The following TUBGCP6 variants were observed in gnomAD, a reference collection of about 807,000 sequenced individuals.
TUBGCP6 encodes the protein gamma-tubulin complex component 6.
A neutral mutation model predicts 175.8 loss-of-function variants in TUBGCP6; 161 were observed. That is an observed-to-expected ratio of 0.92 (90% CI 0.81 to 1.04). The LOEUF is 1.04. Ranked by LOEUF, TUBGCP6 falls within the 50% of genes least tolerant of loss-of-function variation. The probability of loss-of-function intolerance (pLI) is 0.00; values close to 1 mark genes in which losing one functional copy is unlikely to be tolerated. For synonymous variants in TUBGCP6, 1,173 were observed against 1,030.5 expected (o/e 1.14, Z -2.65); for missense variants, 2,572 against 2,433.0 (o/e 1.06, Z -1.20).
chr22:50,227,382 C>T (rs747661123), intron 5 of TUBGCP6, among the ~76,000 whole-genome samples: 12 of 152,116 alleles, frequency 7.9e-5, no homozygotes, highest in Non-Finnish European at 1.6e-4. Flanking sequence ...GGGGGCTGCA[C>T]CTGAGAGCCC....
In TUBGCP6 at chr22:50,217,697, G is replaced by C; in HGVS notation, c.*39C>G. On this transcript the variant is annotated 3_prime_UTR_variant, in exon 25 of 25. Coordinates refer to ENST00000248846, the MANE Select transcript of TUBGCP6 (RefSeq NM_020461.4). ...GGAGAGAGAGCTGCAGACAGGGTCC[G>C]AGAACACCTTTATTGTGCACGTCCC... 6.3e-7 allele frequency: 1 copy of C among 1,589,644 alleles called. No homozygotes were observed. The highest frequency in any genetic ancestry group is 8.6e-7 in the Non-Finnish European group (1 of 1,162,452).
In TUBGCP6 at chr22:50,222,467, T is replaced by C. The variant is rs200109041; in HGVS notation, c.2396A>G (p.Glu799Gly). The C allele has an allele frequency of 1.4e-5, 22 of 1,613,802 alleles. No homozygotes were observed. The highest frequency in any genetic ancestry group is 1.7e-5 in the Admixed American group (1 of 60,020). ...SARLRFLLEDEKHIQEMLKAV... is the reference protein window; with the variant it reads ...SARLRFLLEDGKHIQEMLKAV... Reference sequence around the variant, plus strand: ...CCGCAGACATACCTGAATGTGTTTCTCATCTTCTAAGAGAAAACGAAGCCG... The same window carrying C: ...CCGCAGACATACCTGAATGTGTTTCCCATCTTCTAAGAGAAAACGAAGCCG... The change falls in exon 14 of 25, where the codon GAG becomes GGG. Residue 799 changes from glutamate to glycine, a missense_variant. Glu to Gly is a moderately conservative substitution (Grantham distance 98). Transcript: ENST00000248846.
chr22:50,227,217 AC>A (rs987077080), intron 5 of TUBGCP6, 140 bp from the exon 6 acceptor site: 20 of 739,260 alleles, frequency 2.7e-5, no homozygotes, highest in African/African-American at 5.3e-5. Flanking sequence ...AACCACAGGC[AC>A]CCCAACCACC....
At position 50,219,064 on chromosome 22, in the gene TUBGCP6, C is replaced by T. The variant is rs771572928; in HGVS notation, c.4626+4G>A. The T allele has an allele frequency of 2.9e-5, 46 of 1,611,776 alleles. No homozygotes were observed. The highest frequency in any genetic ancestry group is 1.3e-4 in the East Asian group (6 of 44,872). On this transcript the variant is annotated splice_donor_region_variant and intron_variant, in intron 20 of 24. Transcript: ENST00000248846. ...ACTGGCCCCACCCCGTGTCCGGAGG[C>T]CACCTTCTCAAAGAGCAGGTCGCTG...
At position 50,236,588 on chromosome 22, in the gene TUBGCP6, T is replaced by C. The variant is rs77925564; in HGVS notation, c.906-3062A>G. Reference sequence around the variant, plus strand: ...CACACACTCACACCCCCGTCCTCCCTGCGAAAACAATCAGCTCCAAGAAAC... The same window carrying C: ...CACACACTCACACCCCCGTCCTCCCCGCGAAAACAATCAGCTCCAAGAAAC... On this transcript the variant is annotated intron_variant, in intron 2 of 24. Transcript: ENST00000248846. 3.9e-3 allele frequency among the ~76,000 whole-genome samples: 596 copies of C among 152,220 alleles called. 30 individuals are homozygous for C. The East Asian group carries it at 0.097, about 25-fold the overall frequency.
At position 50,222,550 on chromosome 22, in the gene TUBGCP6, T is replaced by C. The variant is rs1434732086; in HGVS notation, c.2313A>G (p.Ala771=). ...VDHYSKLSAE[A]ARREQKALWR... ...ACAGTGCCTTCTGCTCCCGACGAGC[T>C]GCCTCTGCAGAGAGCTTGCTGTAGT... The change falls in exon 14 of 25, where the codon GCA becomes GCG. Residue 771 remains alanine (A), a synonymous_variant. Transcript: ENST00000248846. The C allele has an allele frequency of 6.2e-7, 1 of 1,613,206 alleles. No homozygotes were observed.
At chr22:50,224,634 C>T in intron 10 of TUBGCP6, 42 bp from the exon 11 acceptor site, 1 of 1,601,170 alleles carries the variant, frequency 6.2e-7, no homozygotes, top group African/African-American at 1.3e-5. Flanking sequence ...TGGCCGGGCG[C>T]AGTGGCTCAC....
chr22:50,224,625 G>A, intron 10 of TUBGCP6, 33 bp from the exon 11 acceptor site: 1 of 1,609,126 alleles, frequency 6.2e-7, no homozygotes, highest in Non-Finnish European at 8.5e-7. Flanking sequence ...AAAGCATCCT[G>A]GCCGGGCGCA....
chr22:50,235,149 C>T (rs551665225), intron 2 of TUBGCP6, among the ~76,000 whole-genome samples: 20 of 151,238 alleles, frequency 1.3e-4, no homozygotes, highest in Non-Finnish European at 2.2e-4. Context: ...GCAGCATCCA[C>T]ACCCCAGTCC....
In TUBGCP6 at chr22:50,218,154, T is replaced by TG. The variant is rs760670405; in HGVS notation, c.5168+34dup. The TG allele has an allele frequency of 7.5e-6, 12 of 1,610,094 alleles. No homozygotes were observed. In the South Asian group the frequency reaches 1.3e-4, roughly 18 times the overall value. On this transcript the variant is annotated intron_variant, in intron 23 of 24. Coordinates refer to ENST00000248846, the MANE Select transcript of TUBGCP6 (RefSeq NM_020461.4). The stretch of plus-strand genomic sequence containing the variant: ...CAGTGCTGCTGGGTGGGCTGAGCCG[T>TG]GACCACAGGGACGCAGCCGCTGCCC...
At position 50,219,400 on chromosome 22, in the gene TUBGCP6, G is replaced by C. The variant is rs2064476266; in HGVS notation, c.4372C>G (p.Pro1458Ala). The C allele has an allele frequency of 7.6e-6, 12 of 1,572,362 alleles. No individual in the cohort carries two copies. Among genetic ancestry groups the C allele is most frequent in the Admixed American group, 1.9e-5 (1 of 51,886 alleles). The change falls in exon 19 of 25, where the codon CCC becomes GCC. Residue 1458 changes from proline to alanine, a missense_variant. Transcript: ENST00000248846. ...GCAGACTGGACCTGGGGGTCCACGG[G>C]GAAGGCGAAGGCCCGGGGAAGCACG... is the stretch of plus-strand genomic sequence containing the variant. ...RPVLPRAFAF[P>A]VDPQVQSAAD... is the part of the protein sequence containing the mutation.
intron 4 of TUBGCP6, among the ~76,000 whole-genome samples, chr22:50,228,592 A>T (rs1461488796): frequency 6.6e-6 from 1 of 152,092 alleles, no homozygotes; most frequent in Non-Finnish European, 1.5e-5. Context: ...TGCCTGCCAG[A>T]TGAACAAGAA....
At chr22:50,229,351 C>T (rs903718954) in intron 4 of TUBGCP6, 53 bp downstream of exon 4, 7 of 1,583,006 alleles carry the variant, frequency 4.4e-6, no homozygotes, top group African/African-American at 2.7e-5. Flanking sequence ...TCTTCCAGGT[C>T]GTGTGCACCG....
At chr22:50,228,374 G>T (rs951276368) in intron 4 of TUBGCP6, among the ~76,000 whole-genome samples, 6 of 151,298 alleles carry the variant, frequency 4.0e-5, no homozygotes, top group Non-Finnish European at 8.8e-5. Context: ...GCTGCCCCAG[G>T]GGCATGGCAA....
chr22:50,241,366 G>T (rs555801400), intron 1 of TUBGCP6, among the ~76,000 whole-genome samples: 15 of 151,906 alleles, frequency 9.9e-5, no homozygotes, highest in African/African-American at 3.6e-4. Context: ...TAGCGTCAGT[G>T]CCTAGGAAAA....
rs558410710 is a variant in TUBGCP6, at chr22:50,220,077, C to T, written c.4109-62G>A. ...CGAGTGCCTGTGGCGGGTACAGAGC[C>T]GAGCCGGCCCTGGCTCAAGCAGCCC... On this transcript the variant is annotated intron_variant, in intron 16 of 24. Coordinates refer to ENST00000248846, the MANE Select transcript of TUBGCP6 (RefSeq NM_020461.4). The T allele has an allele frequency of 3.9e-5, 62 of 1,571,016 alleles. No individual in the cohort carries two copies. The African/African-American group carries it at 5.0e-4, about 13-fold the overall frequency.
chr22:50,221,703 C>A lies in TUBGCP6; in HGVS notation c.2656G>T (p.Gly886Trp). The change falls in exon 16 of 25, where the codon GGG (glycine) becomes TGG (tryptophan). Residue 886 changes from glycine to tryptophan, a missense_variant. Physicochemically the swap from Gly to Trp is radical, Grantham distance 184. Coordinates refer to ENST00000248846, the MANE Select transcript of TUBGCP6 (RefSeq NM_020461.4). The part of the protein sequence containing the change: ...AGGRGLQQAE[G>W]ARPFSDSLSI... ...AGGCTGTCAGAGAAGGGTCTGGCCCCCTCCGCCTGCTGCAGCCCCCTGCCA... is the reference window on the plus strand; with the variant it reads ...AGGCTGTCAGAGAAGGGTCTGGCCCACTCCGCCTGCTGCAGCCCCCTGCCA... The A allele has an allele frequency of 6.6e-7, 1 of 1,516,528 alleles. No individual in the cohort carries two copies. Among genetic ancestry groups the A allele is most frequent in the Non-Finnish European group, 8.8e-7 (1 of 1,134,048 alleles). 93.9% of individuals were successfully genotyped at this position (1,516,528 alleles called of 1,614,324 possible).
chr22:50,244,633 A>T lies in TUBGCP6; in HGVS notation c.-174T>A. 1 of 1,154,220 alleles carries T rather than the reference A, an allele frequency of 8.7e-7. No individual in the cohort carries two copies. The highest frequency in any genetic ancestry group is 2.6e-5 in the East Asian group (1 of 38,172). 71.5% of individuals were successfully genotyped at this position (1,154,220 alleles called of 1,614,324 possible). On this transcript the variant is annotated 5_prime_UTR_variant, in exon 1 of 25. Coordinates refer to ENST00000248846, the MANE Select transcript of TUBGCP6 (RefSeq NM_020461.4). ...TTAAAGGAGGTCTTGCGGTTGCTCT[A>T]CTCAGAGTAAACACGCCCTGCCCTC...
chr22:50,218,311 G>A lies in TUBGCP6; in HGVS notation c.5046C>T (p.Gly1682=), dbSNP rs2064452965. 2 of 1,613,000 alleles carry A rather than the reference G, an allele frequency of 1.2e-6. No homozygotes were observed. The highest frequency in any genetic ancestry group is 1.3e-5 in the African/African-American group (1 of 74,956). ...CGTGCAGGATCTGGTTGGCGATGTA[G>A]CCCTGGATGACCTTCACGAAATGCT... ...EMQHFVKVIQ[G]YIANQILHVT... is the part of the protein sequence containing the mutation. The change falls in exon 23 of 25, where the codon GGC becomes GGT. Residue 1682 remains glycine (G), a synonymous_variant. Transcript: ENST00000248846.
Sources: allele counts gnomAD v4.1 joint callset (sites outside exome capture counted in the v4.1 genomes callset), GRCh38; gene constraint gnomAD v4.1.1; transcripts MANE v1.5; gene names NCBI Gene and HGNC (gene_info 2026-07-23, HGNC 2026-07-21).